The following SPIRE1 variants were observed in gnomAD, a reference collection of about 807,000 sequenced individuals.
SPIRE1 encodes spire type actin nucleation factor 1, also known as protein spire homolog 1.
In SPIRE1, 40 loss-of-function variants were observed where a neutral mutation model predicts 94.1. That is an observed-to-expected ratio of 0.43 (90% CI 0.33 to 0.55). The LOEUF (loss-of-function observed/expected upper bound fraction) is 0.55, where lower values mean the gene tolerates loss of function less well. Ranked by LOEUF, SPIRE1 falls within the 20% of genes least tolerant of loss-of-function variation. The pLI is 0.06. For missense variants in SPIRE1, 838 were observed against 975.2 expected (o/e 0.86, Z 1.87); for synonymous variants, 376 against 371.7 (o/e 1.01, Z -0.13).
At chr18:12,495,752 A>T (rs539837241) in intron 7 of SPIRE1, among the ~76,000 whole-genome samples, 1 of 152,224 alleles carries the variant, frequency 6.6e-6, no homozygotes, top group Admixed American at 6.5e-5. Flanking sequence ...TAGCCTGGGC[A>T]TGGTGGTGCA....
chr18:12,497,243 T>C (rs1265360531), intron 6 of SPIRE1, among the ~76,000 whole-genome samples: 2 of 152,204 alleles, frequency 1.3e-5, no homozygotes. Context: ...GGAGGACCAG[T>C]CTGTCTCTGA....
At chr18:12,639,664 G>A (rs1290456564) in intron 1 of SPIRE1, among the ~76,000 whole-genome samples, 1 of 152,022 alleles carries the variant, frequency 6.6e-6, no homozygotes, top group Non-Finnish European at 1.5e-5. Flanking sequence ...CCAGGAGGCG[G>A]AGGTTGCAGT....
At chr18:12,590,529 A>T (rs2036504281) in intron 2 of SPIRE1, among the ~76,000 whole-genome samples, 1 of 152,226 alleles carries the variant, frequency 6.6e-6, no homozygotes, top group Non-Finnish European at 1.5e-5. Context: ...AAAGAGAGAA[A>T]GTTATAAGAT....
chr18:12,530,008 GTAA>G lies in SPIRE1; in HGVS notation c.729+5465_729+5467del, dbSNP rs371206687. Among the ~76,000 whole-genome samples, 609 of 152,258 alleles carry G rather than the reference GTAA, an allele frequency of 4.0e-3. 9 individuals are homozygous for G. Among genetic ancestry groups the G allele is most frequent in the African/African-American group, 0.012 (517 of 41,552 alleles). ...AGCCTATACTGACATCAATATAGTA[GTAA>G]TGTCAGTATTGAATGTTACAGCTAG... On this transcript the variant is annotated intron_variant, in intron 4 of 16. Transcript: ENST00000409402.
At position 12,447,158 on chromosome 18, in the gene SPIRE1, C is replaced by G. The variant is rs1463799578; in HGVS notation, c.*2480G>C. 1 of 152,158 alleles carries G rather than the reference C, an allele frequency of 6.6e-6. No individual in the cohort carries two copies. The highest frequency in any genetic ancestry group is 1.5e-5 in the Non-Finnish European group (1 of 68,062). 9.4% of individuals were successfully genotyped at this position (152,158 alleles called of 1,614,324 possible). ...GTATGGGACAAAAGGAACCGGTGCTCAGGCCTGGAGGGAGCTGAGATGAGA... is the reference window on the plus strand; with the variant it reads ...GTATGGGACAAAAGGAACCGGTGCTGAGGCCTGGAGGGAGCTGAGATGAGA... On this transcript the variant is annotated 3_prime_UTR_variant, in exon 17 of 17. Coordinates refer to ENST00000409402, the MANE Select transcript of SPIRE1 (RefSeq NM_001128626.2).
At chr18:12,623,320 A>T (rs1009082445) in intron 2 of SPIRE1, among the ~76,000 whole-genome samples, 9 of 151,784 alleles carry the variant, frequency 5.9e-5, no homozygotes, top group Non-Finnish European at 1.2e-4. Flanking sequence ...CGCCTGGCTG[A>T]TTTTTTGTAT....
intron 2 of SPIRE1, among the ~76,000 whole-genome samples, chr18:12,552,328 T>C (rs1311456281): frequency 6.6e-6 from 1 of 152,148 alleles, no homozygotes; most frequent in Admixed American, 6.5e-5. Context: ...AAAGAGTACT[T>C]GCACTATCCC....
intron 2 of SPIRE1, among the ~76,000 whole-genome samples, chr18:12,547,614 T>TTC (rs778371881): frequency 2.0e-5 from 3 of 152,006 alleles, no homozygotes; most frequent in Non-Finnish European, 4.4e-5. Context: ...AATTTTATTG[T>TTC]TCTCTCTCTC....
At chr18:12,486,684 T>TA (rs2033053602) in intron 8 of SPIRE1, among the ~76,000 whole-genome samples, 2 of 152,218 alleles carry the variant, frequency 1.3e-5, no homozygotes, top group South Asian at 4.1e-4. Flanking sequence ...ATGGAATTGT[T>TA]ATAAAGATTA....
At chr18:12,512,399 AAAT>A in intron 5 of SPIRE1, 52 bp downstream of exon 5, 1 of 1,350,554 alleles carries the variant, frequency 7.4e-7, no homozygotes, top group Non-Finnish European at 1.0e-6. Flanking sequence ...AAAAAAAAAA[AAAT>A]TATACTATTT....
intron 4 of SPIRE1, among the ~76,000 whole-genome samples, chr18:12,526,228 T>A (rs1232632536): frequency 6.6e-6 from 1 of 152,158 alleles, no homozygotes; most frequent in East Asian, 1.9e-4. Flanking sequence ...GTGGTCCCAG[T>A]GTTTGAGAAG....
chr18:12,620,577 G>A (rs1357084795), intron 2 of SPIRE1, among the ~76,000 whole-genome samples: 1 of 152,120 alleles, frequency 6.6e-6, no homozygotes, highest in African/African-American at 2.4e-5. Context: ...TTCAAGAAAT[G>A]GTGATGTGTC....
intron 4 of SPIRE1, among the ~76,000 whole-genome samples, chr18:12,521,173 T>G (rs1437659794): frequency 6.6e-6 from 1 of 152,188 alleles, no homozygotes; most frequent in Non-Finnish European, 1.5e-5. Flanking sequence ...TATACATGAA[T>G]ATAGTTTTTC....
chr18:12,495,662 G>A (rs1195729095), intron 7 of SPIRE1, among the ~76,000 whole-genome samples: 3 of 152,202 alleles, frequency 2.0e-5, no homozygotes, highest in Non-Finnish European at 4.4e-5. Context: ...GCTGAAGTGG[G>A]AGGACTGCTT....
At chr18:12,540,008 G>C (rs1045705154) in intron 3 of SPIRE1, among the ~76,000 whole-genome samples, 4 of 151,888 alleles carry the variant, frequency 2.6e-5, no homozygotes, top group Non-Finnish European at 4.4e-5. Context: ...GTGGGGAGGG[G>C]CAATAATGTG....
In SPIRE1 at chr18:12,478,993, T is replaced by C. The variant is rs530073486; in HGVS notation, c.1404+706A>G. Among the ~76,000 whole-genome samples, 3 of 152,274 alleles carry C rather than the reference T, an allele frequency of 2.0e-5. No individual in the cohort carries two copies. In the East Asian group the frequency reaches 5.8e-4, roughly 29 times the overall value. On this transcript the variant is annotated intron_variant, in intron 10 of 16. Transcript: ENST00000409402. ...GTATGAGTGTGTGTATATGTGTGTG[T>C]GTATTTTAGAAGAATCTATGCAAAA...
chr18:12,643,551 T>A (rs1014769425), intron 1 of SPIRE1, among the ~76,000 whole-genome samples: 37 of 152,194 alleles, frequency 2.4e-4, no homozygotes, highest in Non-Finnish European at 3.1e-4. Context: ...CAGAGAAGCA[T>A]CCCAGGAACT....
At chr18:12,510,062 G>A (rs1254452630) in intron 5 of SPIRE1, among the ~76,000 whole-genome samples, 18 of 151,060 alleles carry the variant, frequency 1.2e-4, no homozygotes, top group Non-Finnish European at 2.5e-4. Flanking sequence ...TCCAGCCTGG[G>A]CGACAGAGCA....
intron 4 of SPIRE1, 69 bp downstream of exon 4, chr18:12,535,407 C>T: frequency 6.6e-7 from 1 of 1,520,940 alleles, no homozygotes; most frequent in Non-Finnish European, 9.0e-7. Context: ...ATTTAGGTTT[C>T]TCTTCCAACA....
Sources: allele counts gnomAD v4.1 joint callset (sites outside exome capture counted in the v4.1 genomes callset), GRCh38; gene constraint gnomAD v4.1.1; transcripts MANE v1.5; gene names NCBI Gene and HGNC (gene_info 2026-07-23, HGNC 2026-07-21).